Variants in PIF1 observed in about 807,000 individuals in gnomAD.
PIF1 encodes the protein PIF1 5'-to-3' DNA helicase.
In PIF1, 67 loss-of-function variants were observed where a neutral mutation model predicts 62.3. That is an observed-to-expected ratio of 1.08 (90% CI 0.88 to 1.32). PIF1 has a LOEUF of 1.32. PIF1 is among the 40% of genes most tolerant of loss of function. The probability of loss-of-function intolerance (pLI) is 0.00; values close to 1 mark genes in which losing one functional copy is unlikely to be tolerated. For synonymous variants in PIF1, 364 were observed against 379.5 expected (o/e 0.96, Z 0.47); for missense variants, 886 against 866.1 (o/e 1.02, Z -0.29).
intron 4 of PIF1, 104 bp from the exon 5 acceptor site, chr15:64,821,624 T>A: frequency 7.3e-7 from 1 of 1,362,804 alleles, no homozygotes; most frequent in Non-Finnish European, 9.7e-7. Flanking sequence ...CAGGCTGAAG[T>A]GCAGTGGCAC....
In PIF1 at chr15:64,818,478, C is replaced by T. The variant is rs1354945049; in HGVS notation, c.1441-134G>A. ...TGAATCCCAATCCTTAGCTCTGCCA[C>T]TGGCTGCCTGTGACCCCTGGGGCAA... On this transcript the variant is annotated intron_variant, in intron 9 of 12. Coordinates refer to ENST00000559239, the MANE Select transcript of PIF1 (RefSeq NM_001286496.2). 5.0e-6 allele frequency: 4 copies of T among 794,396 alleles called. No homozygotes were observed. In the African/African-American group the frequency reaches 7.0e-5, roughly 14 times the overall value. 49.2% of individuals were successfully genotyped at this position (794,396 alleles called of 1,614,324 possible).
At chr15:64,820,030 G>A (rs11639156) in intron 7 of PIF1, 44 bp from the exon 8 acceptor site, 4 of 1,591,022 alleles carry the variant, frequency 2.5e-6, no homozygotes, top group African/African-American at 2.7e-5. Flanking sequence ...CTGTGCAGCA[G>A]GGGAGGTGGG....
rs778675661 is a variant in PIF1, at chr15:64,816,736, A to G, written c.1704T>C (p.Ser568=). ...GGCCACTGGCAAACACACGGCCCAG[A>G]GAAATCTCCACACAATCCAGGGTCA... is the stretch of plus-strand genomic sequence containing the variant. ...QGMTLDCVEI[S]LGRVFASGQA... The change falls in exon 12 of 13, where the codon TCT becomes TCC. Residue 568 remains serine, a synonymous_variant. Coordinates refer to ENST00000559239, the MANE Select transcript of PIF1 (RefSeq NM_001286496.2). 6.8e-6 allele frequency: 11 copies of G among 1,608,404 alleles called. No homozygotes were observed. Among genetic ancestry groups the G allele is most frequent in the Middle Eastern group, 1.7e-4 (1 of 6,046 alleles).
chr15:64,818,077 G>A lies in PIF1; in HGVS notation c.1543C>T (p.Arg515Trp), dbSNP rs113634652. The change falls in exon 11 of 13, where the codon CGG (arginine) becomes TGG (tryptophan). Residue 515 changes from arginine to tryptophan, a missense_variant. Transcript: ENST00000559239. ...ACCTCAGTGACTCCACACAGGAACC[G>A]CACCTGGGGTAGCCCTAAGGAGAGC... ...EAEGRGLPQV[R>W]FLCGVTEVIH... 18 of 1,613,886 alleles carry A rather than the reference G, an allele frequency of 1.1e-5. No individual in the cohort carries two copies. The highest frequency in any genetic ancestry group is 6.7e-5 in the Admixed American group (4 of 59,966).
chr15:64,821,772 C>A (rs2084293848), intron 4 of PIF1: 2 of 434,012 alleles, frequency 4.6e-6, no homozygotes, highest in African/African-American at 2.1e-5. Context: ...TGGAGTCTCG[C>A]TGTGTCGCCC....
rs2084179240 is a variant in PIF1, at chr15:64,816,245, A to G, written c.*53T>C. 3.7e-6 allele frequency: 6 copies of G among 1,611,064 alleles called. No homozygotes were observed. Among genetic ancestry groups the G allele is most frequent in the Non-Finnish European group, 2.5e-6 (3 of 1,179,120 alleles). On this transcript the variant is annotated 3_prime_UTR_variant, in exon 13 of 13. Transcript: ENST00000559239. ...CTGGGGCCCTGGGCCACTAGGGAGCAGGAGGACGGGGAGGCCACAGGCCAC... is the reference window on the plus strand; with the variant it reads ...CTGGGGCCCTGGGCCACTAGGGAGCGGGAGGACGGGGAGGCCACAGGCCAC...
rs770591889 is a variant in PIF1, at chr15:64,818,058, G to A, written c.1562C>T (p.Thr521Ile). 1 of 1,614,024 alleles carries A rather than the reference G, an allele frequency of 6.2e-7. No individual in the cohort carries two copies. The highest frequency in any genetic ancestry group is 8.5e-7 in the Non-Finnish European group (1 of 1,179,974). Residue 521 changes from threonine (T) to isoleucine (I), a missense_variant, in exon 11 of 13, where the codon ACT becomes ATT. By Grantham distance (89) the Thr-to-Ile change is moderately conservative (BLOSUM62 -1). Coordinates refer to ENST00000559239, the MANE Select transcript of PIF1 (RefSeq NM_001286496.2). ...LPQVRFLCGV[T>I]EVIHADRWTV... ...CCAGCGGTCAGCGTGGATGACCTCA[G>A]TGACTCCACACAGGAACCGCACCTG...
At chr15:64,826,645 TATATATATATATATATATATACACAC>T (rs1349636134), upstream of PIF1, among the ~76,000 whole-genome samples, 2 of 32,736 alleles carry the variant, frequency 6.1e-5, no homozygotes, top group African/African-American at 1.8e-4. Flanking sequence ...TATATATATA[TATATATATATATATATATATACACAC>T]ACACACACAT....
chr15:64,821,618 C>A, intron 4 of PIF1, 98 bp from the exon 5 acceptor site: 1 of 1,389,898 alleles, frequency 7.2e-7, no homozygotes, highest in Non-Finnish European at 9.5e-7. Context: ...GTCACCCAGG[C>A]TGAAGTGCAG....
At chr15:64,817,155 G>A (rs1355659514) in intron 11 of PIF1, among the ~76,000 whole-genome samples, 2 of 144,940 alleles carry the variant, frequency 1.4e-5, no homozygotes, top group Non-Finnish European at 3.1e-5. Flanking sequence ...ACAATTTTAC[G>A]TATCTAGTGG....
intron 9 of PIF1, chr15:64,818,802 A>C (rs1035542737): frequency 3.1e-6 from 1 of 325,828 alleles, no homozygotes; most frequent in Non-Finnish European, 5.6e-6. Flanking sequence ...CCTGTTTATA[A>C]AGTATACTAC....
At chr15:64,821,686 C>T in intron 4 of PIF1, 166 bp from the exon 5 acceptor site, 1 of 696,228 alleles carries the variant, frequency 1.4e-6, no homozygotes, top group South Asian at 2.2e-5. Context: ...ATCCTCCCAC[C>T]TCAACCTCCA....
Position 64,823,861 on chromosome 15 carries a change from G to A in PIF1, c.475C>T (p.Arg159Trp). 7.2e-7 allele frequency: 1 copy of A among 1,385,958 alleles called. No individual in the cohort carries two copies. Among genetic ancestry groups the A allele is most frequent in the Non-Finnish European group, 9.4e-7 (1 of 1,058,920 alleles). The allele number at this position is 1,385,958 out of a possible 1,614,324, so 85.9% of individuals were successfully genotyped here. Residue 159 changes from arginine to tryptophan, a missense_variant, in exon 2 of 13, where the codon CGG becomes TGG. Coordinates refer to ENST00000559239, the MANE Select transcript of PIF1 (RefSeq NM_001286496.2). ...GGAACCCGGGTGGCCGCCCTGAGCC[G>A]CCGCTCCTCGGGCTGCACAGGGCTG... ...TISPVQPEER[R>W]LRAATRVPDT...
intron 9 of PIF1, 116 bp downstream of exon 9, chr15:64,819,001 T>C (rs934395514): frequency 7.3e-5 from 46 of 627,712 alleles, no homozygotes; most frequent in Non-Finnish European, 1.1e-4. Flanking sequence ...AGGTTTTCAG[T>C]GTGGTCAAAG....
At position 64,815,780 on chromosome 15, in the gene PIF1, G is replaced by A; in HGVS notation, c.*518C>T. ...AGCTTATGTTCTTTGGTTAGGCTCT[G>A]AAGGGTGTTTGTTCTGGGCTGGGCT... On this transcript the variant is annotated 3_prime_UTR_variant, in exon 13 of 13. Transcript: ENST00000559239. The A allele has an allele frequency of 1.3e-6, 2 of 1,550,662 alleles. No individual in the cohort carries two copies. The highest frequency in any genetic ancestry group is 1.7e-6 in the Non-Finnish European group (2 of 1,147,006).
chr15:64,824,277 C>A lies in PIF1; in HGVS notation c.59G>T (p.Arg20Leu). 7.8e-7 allele frequency: 1 copy of A among 1,278,780 alleles called. No homozygotes were observed. The highest frequency in any genetic ancestry group is 2.6e-5 in the South Asian group (1 of 38,664). The allele number at this position is 1,278,780 out of a possible 1,614,324, so 79.2% of individuals were successfully genotyped here. ...CGGGCTCAGCTCCTCCACAGCCACG[C>A]GGCACCGCAGCTCCGAGTCCTCATA... ...GEYEDSELRC[R>L]VAVEELSPGG... Residue 20 changes from arginine (R) to leucine (L), a missense_variant, in exon 2 of 13, where the codon CGC becomes CTC. Physicochemically the swap from Arg to Leu is moderately radical, Grantham distance 102. Coordinates refer to ENST00000559239, the MANE Select transcript of PIF1 (RefSeq NM_001286496.2).
rs2084333006 is a variant in PIF1, at chr15:64,824,155, C to CT, written c.180dup (p.Gly61ArgfsTer125). The CT allele has an allele frequency of 7.7e-7, 1 of 1,306,802 alleles. No homozygotes were observed. Among genetic ancestry groups the CT allele is most frequent in the African/African-American group, 1.5e-5 (1 of 65,102 alleles). The allele number at this position is 1,306,802 out of a possible 1,614,324, so 81.0% of individuals were successfully genotyped here. A position where few individuals can be genotyped will look rare whatever the true frequency, so the allele number is the denominator to read the frequency against. On this transcript the variant is annotated frameshift_variant, in exon 2 of 13. Transcript: ENST00000559239. LOFTEE classifies it high-confidence loss of function. The stretch of plus-strand genomic sequence containing the variant: ...AAGCAGCGCGGCCGCCCCGCGGGCC[C>CT]TGGCGCTTGCAGCCGCAGCATCAAC...
Position 64,821,420 on chromosome 15 carries a change from G to C in PIF1, c.918C>G (p.Asp306Glu). The change falls in exon 5 of 13, where the codon GAC (aspartate) becomes GAG (glutamate). Residue 306 changes from aspartate to glutamate, a missense_variant. By Grantham distance (45) the Asp-to-Glu change is conservative. Transcript: ENST00000559239. Reference protein sequence around the residue: ...GWLNCQRLVIDEISMVEADLF... With the variant: ...GWLNCQRLVIEEISMVEADLF... ...GGTCTGCCTCCACCATTGAGATCTCGTCAATGACCAACCGCTGGCAGTTCA... is the reference window on the plus strand; with the variant it reads ...GGTCTGCCTCCACCATTGAGATCTCCTCAATGACCAACCGCTGGCAGTTCA... 2 of 1,614,178 alleles carry C rather than the reference G, an allele frequency of 1.2e-6. No homozygotes were observed. The highest frequency in any genetic ancestry group is 1.7e-6 in the Non-Finnish European group (2 of 1,180,040).
At chr15:64,824,863 A>G (rs2084345288) in intron 1 of PIF1, among the ~76,000 whole-genome samples, 1 of 123,164 alleles carries the variant, frequency 8.1e-6, no homozygotes, top group African/African-American at 3.0e-5. Context: ...CATACATTAT[A>G]TATATGTGTG....
Sources: gnomAD v4.1 joint callset for allele counts (sites outside exome capture counted in the v4.1 genomes callset) on GRCh38, gnomAD v4.1.1 for gene constraint, MANE v1.5 for transcripts, NCBI Gene and HGNC (gene_info 2026-07-23, HGNC 2026-07-21) for gene names.